PTPRN2: variants seen among roughly 807,000 people sequenced by gnomAD.
PTPRN2 encodes the protein protein tyrosine phosphatase receptor type N2.
A neutral mutation model predicts 118.8 loss-of-function variants in PTPRN2; 74 were observed. The observed-to-expected ratio is 0.62, with a 90% confidence interval of 0.52 to 0.76. PTPRN2 has a LOEUF of 0.76. Among genes scored for constraint, PTPRN2 ranks in the 30% least tolerant of loss-of-function variants. The pLI is 0.00. For missense variants in PTPRN2, 1,481 were observed against 1,394.4 expected (o/e 1.06, Z -0.99); for synonymous variants, 641 against 608.0 (o/e 1.05, Z -0.80).
chr7:158,149,068 G>C (rs1820579290), intron 6 of PTPRN2, among the ~76,000 whole-genome samples: 8 of 137,218 alleles, frequency 5.8e-5, no homozygotes, highest in African/African-American at 2.0e-4. Flanking sequence ...CATGCCACGT[G>C]TCATTCCCCC....
At chr7:157,719,103 C>T (rs1039305704) in intron 12 of PTPRN2, among the ~76,000 whole-genome samples, 2 of 152,190 alleles carry the variant, frequency 1.3e-5, no homozygotes, top group Non-Finnish European at 2.9e-5. Context: ...CCTGCTCAGG[C>T]CTGCAGCCAA....
chr7:157,725,691 C>T (rs571771592), intron 12 of PTPRN2, among the ~76,000 whole-genome samples: 37 of 114,698 alleles, frequency 3.2e-4, no homozygotes, highest in African/African-American at 1.2e-3. Context: ...CCTCGCCTCC[C>T]AGGAGAACTG....
chr7:158,009,879 C>A (rs1009336748), intron 11 of PTPRN2, among the ~76,000 whole-genome samples: 5 of 152,194 alleles, frequency 3.3e-5, no homozygotes, highest in African/African-American at 1.2e-4. Flanking sequence ...GATTTCCACA[C>A]TCATCATCAC....
At position 157,785,939 on chromosome 7, in the gene PTPRN2, C is replaced by T. The variant is rs1024968394; in HGVS notation, c.1789-103002G>A. Reference sequence around the variant, plus strand: ...CACCTGGGTAGCAGGGTGGGAGGGCCGGGTGGGGATGGCTGCAGGGACCCC... The same window carrying T: ...CACCTGGGTAGCAGGGTGGGAGGGCTGGGTGGGGATGGCTGCAGGGACCCC... On this transcript the variant is annotated intron_variant, in intron 12 of 22. Coordinates refer to ENST00000389418, the MANE Select transcript of PTPRN2 (RefSeq NM_002847.5). The surrounding 1 kb of genome is among the most constrained non-coding windows in gnomAD (Gnocchi z 7.3). 9.2e-5 allele frequency among the ~76,000 whole-genome samples: 14 copies of T among 151,672 alleles called. No homozygotes were observed. The highest frequency in any genetic ancestry group is 2.9e-4 in the African/African-American group (12 of 41,350).
chr7:157,677,732 C>T lies in PTPRN2; in HGVS notation c.2001+4993G>A, dbSNP rs911335762. Among the ~76,000 whole-genome samples the T allele has an allele frequency of 2.0e-5, 3 of 152,220 alleles. No homozygotes were observed. The East Asian group carries it at 5.8e-4, about 29-fold the overall frequency. On this transcript the variant is annotated intron_variant, in intron 13 of 22. Coordinates refer to ENST00000389418, the MANE Select transcript of PTPRN2 (RefSeq NM_002847.5). ...GGTTCTTCCCACACTGGGGACGACA[C>T]GTACCCTTTACCCTCATCATCCTGG...
In PTPRN2 at chr7:157,744,690, G is replaced by A. The variant is rs1027106827; in HGVS notation, c.1789-61753C>T. 5.3e-5 allele frequency among the ~76,000 whole-genome samples: 8 copies of A among 152,148 alleles called. 1 individual carries two copies. Among genetic ancestry groups the A allele is most frequent in the African/African-American group, 1.2e-4 (5 of 41,420 alleles). ...TGAGGCACTTCAGTACCATCAGAAC[G>A]TGTGCAGAAGACGGAGGATGTGGAA... is the stretch of plus-strand genomic sequence containing the variant. On this transcript the variant is annotated intron_variant, in intron 12 of 22. Coordinates refer to ENST00000389418, the MANE Select transcript of PTPRN2 (RefSeq NM_002847.5).
Position 158,132,798 on chromosome 7 carries a change from T to C in PTPRN2, c.1556+879A>G, listed in dbSNP as rs371190599. Among the ~76,000 whole-genome samples the C allele has an allele frequency of 9.3e-4, 141 of 151,316 alleles. 2 individuals are homozygous for C. The East Asian group carries it at 0.025, about 26-fold the overall frequency. On this transcript the variant is annotated intron_variant, in intron 9 of 22. Coordinates refer to ENST00000389418, the MANE Select transcript of PTPRN2 (RefSeq NM_002847.5). ...CAACACACACTCATATACACACACA[T>C]GCGTATGCAGATACACACACATCTA...
chr7:157,599,417 G>A (rs1235502630), intron 16 of PTPRN2, among the ~76,000 whole-genome samples: 1 of 152,232 alleles, frequency 6.6e-6, no homozygotes, highest in Non-Finnish European at 1.5e-5. Flanking sequence ...CTAGTGAGGT[G>A]TGTTCCTCTG....
chr7:158,061,149 G>A lies in PTPRN2; in HGVS notation c.1723+20149C>T, dbSNP rs151283713. On this transcript the variant is annotated intron_variant, in intron 11 of 22. Transcript: ENST00000389418. ...AAGGGTGGTCATGGAAGAGCAGGCC[G>A]CCGTCGGGCGGTGACTGATTACAAT... 9.2e-3 allele frequency among the ~76,000 whole-genome samples: 1,407 copies of A among 152,358 alleles called. 28 individuals carry two copies. Among genetic ancestry groups the A allele is most frequent in the African/African-American group, 0.031 (1,308 of 41,582 alleles).
intron 16 of PTPRN2, among the ~76,000 whole-genome samples, chr7:157,601,376 T>C (rs1801656614): frequency 6.6e-6 from 1 of 152,176 alleles, no homozygotes; most frequent in Non-Finnish European, 1.5e-5. Flanking sequence ...TAATTATCAT[T>C]GTACCTTCAG....
At chr7:158,456,543 G>A (rs1383143805) in intron 2 of PTPRN2, among the ~76,000 whole-genome samples, 1 of 151,612 alleles carries the variant, frequency 6.6e-6, no homozygotes, top group Non-Finnish European at 1.5e-5. Flanking sequence ...TCGCTCTGCG[G>A]AGAACATAAC....
At chr7:157,955,443 G>A (rs1450975680) in intron 11 of PTPRN2, among the ~76,000 whole-genome samples, 9 of 151,908 alleles carry the variant, frequency 5.9e-5, no homozygotes, top group Non-Finnish European at 8.8e-5. Context: ...GCCAGGGGAG[G>A]GCTTACCAGT....
At chr7:158,259,406 G>A (rs1013253000) in intron 3 of PTPRN2, among the ~76,000 whole-genome samples, 1 of 152,176 alleles carries the variant, frequency 6.6e-6, no homozygotes, top group Non-Finnish European at 1.5e-5. Flanking sequence ...ACCCGCAGCT[G>A]CTGCTGTGCT....
intron 12 of PTPRN2, among the ~76,000 whole-genome samples, chr7:157,757,600 T>C (rs73521405): frequency 0.022 from 3,337 of 150,866 alleles, 132 homozygotes; most frequent in African/African-American, 0.076. Context: ...GCTATGAGGA[T>C]CTTTTCTATC....
At chr7:157,606,722 G>A (rs759297689) in intron 15 of PTPRN2, among the ~76,000 whole-genome samples, 2 of 152,238 alleles carry the variant, frequency 1.3e-5, no homozygotes, top group African/African-American at 4.8e-5. Flanking sequence ...TGGTGGTGGT[G>A]AAGCTGCACG....
intron 10 of PTPRN2, among the ~76,000 whole-genome samples, chr7:158,095,052 A>T (rs1019450878): frequency 6.6e-6 from 1 of 152,058 alleles, no homozygotes; most frequent in Non-Finnish European, 1.5e-5. Context: ...TGGGTCCTGT[A>T]ACTGGGGCAG....
intron 2 of PTPRN2, among the ~76,000 whole-genome samples, chr7:158,453,713 TA>T (rs901871765): frequency 4.6e-5 from 7 of 152,220 alleles, no homozygotes; most frequent in African/African-American, 1.7e-4. Flanking sequence ...TCACACAAAT[TA>T]ACTGAGGAAA....
intron 3 of PTPRN2, among the ~76,000 whole-genome samples, chr7:158,308,392 G>T (rs1057416715): frequency 1.2e-4 from 18 of 152,134 alleles, no homozygotes; most frequent in Admixed American, 2.0e-4. Context: ...ACAGTGAGTT[G>T]TATCCAGATG....
chr7:158,279,955 G>A (rs1324558752), intron 3 of PTPRN2, among the ~76,000 whole-genome samples: 1 of 152,098 alleles, frequency 6.6e-6, no homozygotes, highest in Non-Finnish European at 1.5e-5. Context: ...GAAGACAGTC[G>A]AGGTCTGTGC....
Sources: gnomAD v4.1 joint callset for allele counts (sites outside exome capture counted in the v4.1 genomes callset) on GRCh38, gnomAD v4.1.1 for gene constraint, Gnocchi (gnomAD v3.1) non-coding constraint, MANE v1.5 for transcripts, NCBI Gene and HGNC (gene_info 2026-07-23, HGNC 2026-07-21) for gene names.